Variants in BFSP2 observed in about 807,000 individuals in gnomAD.
The protein encoded by BFSP2 is beaded filament structural protein 2.
A neutral mutation model predicts 44.9 loss-of-function variants in BFSP2; 38 were observed. The observed-to-expected ratio is 0.85, with a 90% CI of 0.65 to 1.11. The LOEUF (loss-of-function observed/expected upper bound fraction) is 1.11, where lower values mean the gene tolerates loss of function less well. BFSP2 is among the 50% of genes least tolerant of loss of function. The pLI, the probability that BFSP2 is intolerant of heterozygous loss-of-function variation, is 0.00. For synonymous variants in BFSP2, 197 were observed against 209.9 expected, an observed-to-expected ratio of 0.94 and a Z score of 0.53; for missense variants, 525 against 533.0, an observed-to-expected ratio of 0.99 and a Z score of 0.15.
intron 1 of BFSP2, among the ~76,000 whole-genome samples, chr3:133,418,313 G>A (rs1489779576): frequency 6.6e-6 from 1 of 152,146 alleles, no homozygotes; most frequent in Non-Finnish European, 1.5e-5. Context: ...AGAAAGGTTA[G>A]GTGATGGAGA....
chr3:133,405,085 C>T (rs369352928), intron 1 of BFSP2, among the ~76,000 whole-genome samples: 1 of 152,156 alleles, frequency 6.6e-6, no homozygotes, highest in Non-Finnish European at 1.5e-5. Context: ...CCTTGTGCCT[C>T]GGAGCTGCAG....
chr3:133,411,097 T>A (rs1469691437), intron 1 of BFSP2, among the ~76,000 whole-genome samples: 3 of 151,204 alleles, frequency 2.0e-5, no homozygotes, highest in Non-Finnish European at 2.9e-5. Flanking sequence ...AATAAAAGCA[T>A]GATCCATCAA....
chr3:133,465,556 T>C (rs1469277044), intron 4 of BFSP2, among the ~76,000 whole-genome samples: 1 of 152,136 alleles, frequency 6.6e-6, no homozygotes. Flanking sequence ...CCTGAATATA[T>C]GGGGAGGGAT....
intron 1 of BFSP2, among the ~76,000 whole-genome samples, chr3:133,417,886 A>C (rs1482622244): frequency 1.1e-4 from 7 of 61,606 alleles, no homozygotes; most frequent in Admixed American, 5.6e-4. Flanking sequence ...CCCTCTACTC[A>C]CCTCTGTCCT....
intron 4 of BFSP2, among the ~76,000 whole-genome samples, chr3:133,463,018 T>C (rs2074077836): frequency 6.6e-6 from 1 of 152,130 alleles, no homozygotes; most frequent in South Asian, 2.1e-4. Flanking sequence ...TTAAAAACTC[T>C]AGAGCAGAGA....
At chr3:133,461,649 T>C (rs1199281804) in intron 4 of BFSP2, among the ~76,000 whole-genome samples, 1 of 152,246 alleles carries the variant, frequency 6.6e-6, no homozygotes, top group Non-Finnish European at 1.5e-5. Flanking sequence ...AGCCATTGGA[T>C]AAAAATGTGT....
At chr3:133,401,621 C>A (rs1193570758) in intron 1 of BFSP2, among the ~76,000 whole-genome samples, 1 of 152,148 alleles carries the variant, frequency 6.6e-6, no homozygotes, top group Non-Finnish European at 1.5e-5. Context: ...CACCTCTCAG[C>A]TGGTCTCTCT....
intron 1 of BFSP2, among the ~76,000 whole-genome samples, chr3:133,433,398 A>C (rs1363488482): frequency 1.3e-5 from 2 of 152,222 alleles, no homozygotes; most frequent in Non-Finnish European, 2.9e-5. Context: ...TCAAGGAAAT[A>C]ACTTCTCAGT....
At chr3:133,418,682 C>T (rs930893739) in intron 1 of BFSP2, among the ~76,000 whole-genome samples, 16 of 152,132 alleles carry the variant, frequency 1.1e-4, no homozygotes, top group African/African-American at 3.6e-4. Context: ...CTGCTCAATC[C>T]CACCAGCCAA....
At chr3:133,462,587 A>G (rs752744386) in intron 4 of BFSP2, among the ~76,000 whole-genome samples, 2 of 152,230 alleles carry the variant, frequency 1.3e-5, no homozygotes, top group Non-Finnish European at 2.9e-5. Context: ...TTTCTGGGTG[A>G]AATATATGTA....
At chr3:133,422,559 C>CTGCT (rs1213540341) in intron 1 of BFSP2, among the ~76,000 whole-genome samples, 1 of 152,216 alleles carries the variant, frequency 6.6e-6, no homozygotes, top group Non-Finnish European at 1.5e-5. Flanking sequence ...GAGGCTGTCA[C>CTGCT]TGCTCCCCAT....
chr3:133,402,805 T>C (rs1297602407), intron 1 of BFSP2, among the ~76,000 whole-genome samples: 1 of 151,926 alleles, frequency 6.6e-6, no homozygotes, highest in Non-Finnish European at 1.5e-5. Flanking sequence ...CACGCCCAGC[T>C]AATTTTTTTG....
At chr3:133,442,542 A>C (rs772423562) in intron 1 of BFSP2, among the ~76,000 whole-genome samples, 77 of 152,328 alleles carry the variant, frequency 5.1e-4, no homozygotes, top group Non-Finnish European at 8.1e-4. Flanking sequence ...CAGGATGCAG[A>C]ATGCATTGGA....
At position 133,424,246 on chromosome 3, in the gene BFSP2, T is replaced by G. The variant is rs1387912563; in HGVS notation, c.490-23071T>G. On this transcript the variant is annotated intron_variant, in intron 1 of 6. Transcript: ENST00000302334. ...TTTTTTTTTTTTTTTTTTTTTGTAT[T>G]TTTAGTAGAGATGGAGTTTCGCCTT... Among the ~76,000 whole-genome samples, 206 of 33,660 alleles carry G rather than the reference T, an allele frequency of 6.1e-3. 1 individual carries two copies. In the Middle Eastern group the frequency reaches 0.088, roughly 14 times the overall value. 22.1% of individuals were successfully genotyped at this position (33,660 alleles called of 152,430 possible). A position where few individuals can be genotyped will look rare whatever the true frequency, so the allele number is the denominator to read the frequency against.
chr3:133,439,682 A>T (rs2073825611), intron 1 of BFSP2, among the ~76,000 whole-genome samples: 1 of 152,210 alleles, frequency 6.6e-6, no homozygotes, highest in African/African-American at 2.4e-5. Context: ...GAAAGGCCTG[A>T]GTCTGTTCAG....
chr3:133,421,841 GCTCAC>G (rs2073595102), intron 1 of BFSP2, among the ~76,000 whole-genome samples: 1 of 152,116 alleles, frequency 6.6e-6, no homozygotes, highest in African/African-American at 2.4e-5. Context: ...GGGCGTGGTG[GCTCAC>G]GCCCGTAATC....
intron 1 of BFSP2, among the ~76,000 whole-genome samples, chr3:133,425,948 G>A (rs1467464289): frequency 4.0e-3 from 24 of 5,926 alleles, no homozygotes; most frequent in African/African-American, 0.018. Flanking sequence ...AGGGAAGGGA[G>A]GGGAGGGGGA....
At chr3:133,448,834 A>C in intron 3 of BFSP2, 189 bp downstream of exon 3, 1 of 703,644 alleles carries the variant, frequency 1.4e-6, no homozygotes, top group Non-Finnish European at 2.4e-6. Flanking sequence ...AGCAGTCTCA[A>C]ACTCAAATAG....
intron 1 of BFSP2, among the ~76,000 whole-genome samples, chr3:133,406,869 A>C (rs1197312): frequency 0.48 from 72,704 of 152,008 alleles, 18,006 homozygotes; most frequent in Non-Finnish European, 0.54. Flanking sequence ...ATACGACAAA[A>C]AATAAGATGA....
Sources: allele counts gnomAD v4.1 joint callset (sites outside exome capture counted in the v4.1 genomes callset), GRCh38; gene constraint gnomAD v4.1.1; transcripts MANE v1.5; gene names NCBI Gene and HGNC (gene_info 2026-07-23, HGNC 2026-07-21).